Variants in MGAT4C observed in about 807,000 individuals in gnomAD.
MGAT4C encodes alpha-1,3-mannosyl-glycoprotein 4-beta-N-acetylglucosaminyltransferase C.
MGAT4C carries 19 observed loss-of-function variants against 40.1 expected under a neutral mutation model. The observed-to-expected ratio is 0.47, with a 90% CI of 0.33 to 0.70. The LOEUF is 0.70. MGAT4C is among the 30% of genes least tolerant of loss of function. MGAT4C has a pLI of 0.02. For synonymous variants in MGAT4C, 181 were observed against 187.1 expected, an observed-to-expected ratio of 0.97 and a Z score of 0.27; for missense variants, 491 against 563.2, an observed-to-expected ratio of 0.87 and a Z score of 1.30.
chr12:86,526,062 C>T (rs2136366279), intron 2 of MGAT4C, among the ~76,000 whole-genome samples: 1 of 152,258 alleles, frequency 6.6e-6, no homozygotes, highest in East Asian at 1.9e-4. Context: ...GCTGGATTGG[C>T]AGAGGGAGGG....
At chr12:85,995,264 G>A (rs1225112114) in intron 2 of MGAT4C, among the ~76,000 whole-genome samples, 1 of 152,122 alleles carries the variant, frequency 6.6e-6, no homozygotes, top group Non-Finnish European at 1.5e-5. Context: ...TGCCAATTAG[G>A]AGACAGAAAT....
At chr12:86,060,578 A>G (rs985996095) in intron 1 of MGAT4C, among the ~76,000 whole-genome samples, 8 of 152,208 alleles carry the variant, frequency 5.3e-5, no homozygotes, top group Admixed American at 4.6e-4. Flanking sequence ...CCTAGGAATT[A>G]AAATTTTATG....
At chr12:86,188,852 TATG>T (rs565254327) in intron 1 of MGAT4C, among the ~76,000 whole-genome samples, 19 of 151,962 alleles carry the variant, frequency 1.3e-4, no homozygotes, top group Non-Finnish European at 2.8e-4. Context: ...TTGAATAACC[TATG>T]ATAAGTTATT....
chr12:86,281,392 T>A (rs945068754), intron 4 of MGAT4C, among the ~76,000 whole-genome samples: 1 of 152,036 alleles, frequency 6.6e-6, no homozygotes, highest in African/African-American at 2.4e-5. Context: ...TATATATCCA[T>A]TTTGTTTCCC....
intron 3 of MGAT4C, among the ~76,000 whole-genome samples, chr12:86,365,741 G>C (rs990370589): frequency 1.3e-5 from 2 of 150,702 alleles, no homozygotes; most frequent in African/African-American, 4.9e-5. Flanking sequence ...TTTATTTCTG[G>C]GTCCTCTATT....
chr12:86,745,115 A>G (rs1951132894), intron 1 of MGAT4C: 1 of 151,478 alleles, frequency 6.6e-6, no homozygotes, highest in African/African-American at 2.4e-5. Context: ...TTAGAGCTAC[A>G]CCCTATGGGG....
chr12:86,636,493 T>C (rs1963223177), intron 2 of MGAT4C, among the ~76,000 whole-genome samples: 1 of 151,976 alleles, frequency 6.6e-6, no homozygotes, highest in Non-Finnish European at 1.5e-5. Flanking sequence ...TAAGATGAGG[T>C]CATAAAGGCA....
At chr12:86,197,967 AT>A (rs1330682309) in intron 1 of MGAT4C, among the ~76,000 whole-genome samples, 3 of 152,182 alleles carry the variant, frequency 2.0e-5, no homozygotes, top group Admixed American at 1.3e-4. Context: ...AATTAAAAAA[AT>A]ATGTCAATGA....
At chr12:86,309,465 G>C (rs1199445276) in intron 4 of MGAT4C, among the ~76,000 whole-genome samples, 2 of 152,246 alleles carry the variant, frequency 1.3e-5, no homozygotes, top group Admixed American at 6.5e-5. Context: ...TAACATAGTG[G>C]AGGGAAAGAA....
intron 3 of MGAT4C, among the ~76,000 whole-genome samples, chr12:86,422,725 A>T (rs777904832): frequency 6.6e-6 from 1 of 152,220 alleles, no homozygotes; most frequent in Non-Finnish European, 1.5e-5. Flanking sequence ...ATTGTGGAAT[A>T]ATTTAAAATT....
At chr12:86,009,537 A>C (rs989573769) in intron 2 of MGAT4C, among the ~76,000 whole-genome samples, 7 of 152,136 alleles carry the variant, frequency 4.6e-5, no homozygotes, top group African/African-American at 1.2e-4. Context: ...CTTGTATTGC[A>C]ACCCAGAACC....
At chr12:86,825,190 G>C (rs1199087176) in intron 1 of MGAT4C, among the ~76,000 whole-genome samples, 1 of 151,244 alleles carries the variant, frequency 6.6e-6, no homozygotes, top group East Asian at 1.9e-4. Flanking sequence ...TTTGAGGAAA[G>C]AGGGTAAGAA....
chr12:86,447,023 C>G (rs995102923), intron 2 of MGAT4C, among the ~76,000 whole-genome samples: 3 of 151,930 alleles, frequency 2.0e-5, no homozygotes, highest in Non-Finnish European at 4.4e-5. Flanking sequence ...AAAAGATGAA[C>G]AATACGAAGG....
intron 3 of MGAT4C, among the ~76,000 whole-genome samples, chr12:86,362,039 A>G (rs1014133494): frequency 3.9e-5 from 6 of 152,242 alleles, no homozygotes; most frequent in African/African-American, 9.6e-5. Flanking sequence ...ATGCACACGT[A>G]TATTTATTGT....
chr12:86,547,147 A>C (rs1959198238), intron 2 of MGAT4C, among the ~76,000 whole-genome samples: 1 of 152,000 alleles, frequency 6.6e-6, no homozygotes, highest in Non-Finnish European at 1.5e-5. Context: ...CACCAGGGTT[A>C]ATGTTTTCTG....
At chr12:86,807,595 T>A (rs1274153609) in intron 1 of MGAT4C, among the ~76,000 whole-genome samples, 1 of 152,138 alleles carries the variant, frequency 6.6e-6, no homozygotes, top group Non-Finnish European at 1.5e-5. Context: ...TAAGTGTGCA[T>A]GTATCTTTGT....
intron 1 of MGAT4C, among the ~76,000 whole-genome samples, chr12:86,191,751 G>GGGGTGTGT (rs1555243731): frequency 1.6e-4 from 16 of 98,572 alleles, no homozygotes; most frequent in Non-Finnish European, 2.2e-4. Flanking sequence ...AGGAGATAAA[G>GGGGTGTGT]GTGTGTGTGT....
At chr12:86,158,251 C>T (rs973264863) in intron 1 of MGAT4C, among the ~76,000 whole-genome samples, 4 of 152,172 alleles carry the variant, frequency 2.6e-5, no homozygotes, top group East Asian at 3.9e-4. Context: ...TCCTACATAT[C>T]ATAAATCCAT....
chr12:86,274,474 C>G (rs2136110895), intron 4 of MGAT4C, among the ~76,000 whole-genome samples: 1 of 152,024 alleles, frequency 6.6e-6, no homozygotes, highest in Middle Eastern at 3.4e-3. Context: ...AATATGAATA[C>G]AAGTCAACAT....
Sources: gnomAD v4.1 joint callset for allele counts (sites outside exome capture counted in the v4.1 genomes callset) on GRCh38, gnomAD v4.1.1 for gene constraint, MANE v1.5 for transcripts, NCBI Gene and HGNC (gene_info 2026-07-23, HGNC 2026-07-21) for gene names.